Variants in WDR33 observed in about 807,000 individuals in gnomAD.
The protein encoded by WDR33 is pre-mRNA 3' end processing protein WDR33.
WDR33 carries 47 observed loss-of-function variants against 164.9 expected under a neutral mutation model. The ratio of observed to expected loss-of-function variants is 0.29; its 90% CI spans 0.23 to 0.36. The LOEUF (loss-of-function observed/expected upper bound fraction) is 0.36. Among genes scored for constraint, WDR33 ranks in the 10% least tolerant of loss-of-function variants. The pLI is 1.00. For synonymous variants in WDR33, 505 were observed against 589.0 expected, an observed-to-expected ratio of 0.86 and a Z score of 2.06; for missense variants, 1,137 against 1,754.1, an observed-to-expected ratio of 0.65 and a Z score of 6.28.
At chr2:127,750,953 T>C (rs1687341289) in intron 7 of WDR33, among the ~76,000 whole-genome samples, 1 of 151,878 alleles carries the variant, frequency 6.6e-6, no homozygotes, top group South Asian at 2.1e-4. Flanking sequence ...GTCTAGTGAA[T>C]ACTCTTGATA....
Position 127,768,989 on chromosome 2 carries a change from G to A in WDR33, c.217C>T (p.Gln73Ter). ...VIKYLENRIW[Q>*]RDQRDMRAIQ... is the part of the protein sequence containing the mutation. ...GCCCGCATATCTCTCTGGTCTCTTT[G>A]CCATATTCTGTTCTGTTAAATAAAT... Residue 73 changes from glutamine to a stop codon, truncating the protein, a stop_gained, in exon 3 of 22, where the codon CAA becomes TAA. Transcript: ENST00000322313. LOFTEE classifies it high-confidence loss of function. 2 of 1,552,978 alleles carry A rather than the reference G, an allele frequency of 1.3e-6. No homozygotes were observed. Among genetic ancestry groups the A allele is most frequent in the Non-Finnish European group, 8.7e-7 (1 of 1,150,732 alleles).
At chr2:127,781,179 T>C (rs547216710) in intron 1 of WDR33, among the ~76,000 whole-genome samples, 38 of 152,310 alleles carry the variant, frequency 2.5e-4, no homozygotes, top group African/African-American at 8.9e-4. Context: ...AATAGCTTTT[T>C]AAAGTTCGAG....
At chr2:127,789,457 G>T (rs1446564870) in intron 1 of WDR33, among the ~76,000 whole-genome samples, 1 of 136,904 alleles carries the variant, frequency 7.3e-6, no homozygotes, top group Non-Finnish European at 1.6e-5. Flanking sequence ...CCGGCACCTC[G>T]GGAGGCTGAG....
rs1686099939 is a variant in WDR33 at position 127,709,466 on chromosome 2, C to T, written c.3565+24G>A. The T allele has an allele frequency of 6.2e-7, 1 of 1,611,526 alleles. No individual in the cohort carries two copies. The stretch of plus-strand genomic sequence containing the variant: ...TTTGTGAACTGCAGTCTAGAGTTAC[C>T]CAACAAGCGGTTCTTTTCCTTACCA... On this transcript the variant is annotated intron_variant, in intron 20 of 21. Transcript: ENST00000322313. The surrounding 1 kb of genome is among the most constrained non-coding windows in gnomAD (Gnocchi z 5.0).
intron 1 of WDR33, among the ~76,000 whole-genome samples, chr2:127,803,693 AAAT>A (rs1484924461): frequency 6.6e-6 from 1 of 152,220 alleles, no homozygotes; most frequent in African/African-American, 2.4e-5. Flanking sequence ...CCTGGTTTAT[AAAT>A]AATATTTTCT....
intron 1 of WDR33, among the ~76,000 whole-genome samples, chr2:127,775,445 TC>T (rs1412257834): frequency 2.0e-5 from 3 of 152,164 alleles, no homozygotes; most frequent in African/African-American, 4.8e-5. Flanking sequence ...GGCCTTGGCC[TC>T]CCAAGGTGCT....
At chr2:127,754,497 C>T (rs1299245677) in intron 7 of WDR33, among the ~76,000 whole-genome samples, 1 of 152,074 alleles carries the variant, frequency 6.6e-6, no homozygotes, top group Admixed American at 6.5e-5. Context: ...CGGCTCACTG[C>T]AGCCTTGGAT....
chr2:127,782,689 G>C (rs1282194981), intron 1 of WDR33, among the ~76,000 whole-genome samples: 4 of 152,100 alleles, frequency 2.6e-5, no homozygotes, highest in Non-Finnish European at 5.9e-5. Flanking sequence ...ATAGTATTAG[G>C]TATAAGCAAT....
chr2:127,778,061 A>AGGCAGGAGGATCTCTTGAG (rs1417080397), intron 1 of WDR33, among the ~76,000 whole-genome samples: 1 of 152,214 alleles, frequency 6.6e-6, no homozygotes, highest in African/African-American at 2.4e-5. Context: ...TGAGAGGCCA[A>AGGCAGGAGGATCTCTTGAG]GGCAGGAGGA....
At chr2:127,787,401 G>A (rs1573460336) in intron 1 of WDR33, among the ~76,000 whole-genome samples, 1 of 125,122 alleles carries the variant, frequency 8.0e-6, no homozygotes, top group Admixed American at 7.3e-5. Flanking sequence ...TGGTGGCCGG[G>A]CAGAGGGGCT....
chr2:127,764,773 G>A lies in WDR33; in HGVS notation c.626+55C>T. 6.2e-7 allele frequency: 1 copy of A among 1,614,158 alleles called. No homozygotes were observed. The highest frequency in any genetic ancestry group is 8.5e-7 in the Non-Finnish European group (1 of 1,180,012). ...TCTCTGCACCCAGAATACACTTAGA[G>A]AATAATTTAACCATGACAATAGGGA... On this transcript the variant is annotated intron_variant, in intron 6 of 21. Coordinates refer to ENST00000322313, the MANE Select transcript of WDR33 (RefSeq NM_018383.5). This position sits in a 1 kb window ranked among gnomAD's most constrained non-coding sequence, Gnocchi z 6.2.
chr2:127,776,204 T>C (rs191944640), intron 1 of WDR33, among the ~76,000 whole-genome samples: 2 of 152,242 alleles, frequency 1.3e-5, no homozygotes, highest in African/African-American at 2.4e-5. Flanking sequence ...AGAATGACCA[T>C]GTGAGGACAG....
intron 7 of WDR33, among the ~76,000 whole-genome samples, chr2:127,734,796 A>T (rs1686798437): frequency 6.6e-6 from 1 of 152,216 alleles, no homozygotes; most frequent in South Asian, 2.1e-4. Context: ...TTAAGCTTTA[A>T]AAAAACATGA....
Position 127,724,946 on chromosome 2 carries a change from A to G in WDR33, c.1026T>C (p.Val342=). 6.2e-7 allele frequency: 1 copy of G among 1,614,222 alleles called. No homozygotes were observed. Among genetic ancestry groups the G allele is most frequent in the Non-Finnish European group, 8.5e-7 (1 of 1,180,038 alleles). Residue 342 remains valine, a synonymous_variant, in exon 10 of 22, where the codon GTT becomes GTC. Coordinates refer to ENST00000322313, the MANE Select transcript of WDR33 (RefSeq NM_018383.5). The surrounding 1 kb of genome is among the most constrained non-coding windows in gnomAD (Gnocchi z 4.8). ...CTCCACTGGCAAAAAGTCCTTCATGAACAGGATGCCAGGCCACAGCTGCAG... is the reference window on the plus strand; with the variant it reads ...CTCCACTGGCAAAAAGTCCTTCATGGACAGGATGCCAGGCCACAGCTGCAG... ...KEATAVAWHP[V]HEGLFASGGS... is the part of the protein sequence containing the mutation.
intron 7 of WDR33, among the ~76,000 whole-genome samples, chr2:127,750,735 TGTATGCATAC>T (rs1687327830): frequency 1.5e-5 from 1 of 65,262 alleles, no homozygotes; most frequent in African/African-American, 1.1e-4. Flanking sequence ...TACATATATA[TGTATGCATAC>T]ATATATATGT....
chr2:127,736,218 C>T, intron 7 of WDR33: 1 of 985,372 alleles, frequency 1.0e-6, no homozygotes, highest in Non-Finnish European at 1.2e-6. Flanking sequence ...AAATGTGAAA[C>T]ACTAGCTTAC....
At position 127,701,463 on chromosome 2, in the gene WDR33, G is replaced by T. The variant is rs1050562351; in HGVS notation, c.*4860C>A. On this transcript the variant is annotated 3_prime_UTR_variant, in exon 22 of 22. Transcript: ENST00000322313. ...GCCGACCAATTGCCGCCCGAAGACC[G>T]AACCGCTTCAGCGGAGGGCCGGAAG... is the stretch of plus-strand genomic sequence containing the variant. 4 of 1,236,958 alleles carry T rather than the reference G, an allele frequency of 3.2e-6. No individual in the cohort carries two copies. The highest frequency in any genetic ancestry group is 6.7e-5 in the South Asian group (2 of 29,752). The allele number at this position is 1,236,958 out of a possible 1,614,324, so 76.6% of individuals were successfully genotyped here.
chr2:127,734,683 A>G (rs1686795832), intron 7 of WDR33, among the ~76,000 whole-genome samples: 1 of 152,212 alleles, frequency 6.6e-6, no homozygotes, highest in African/African-American at 2.4e-5. Context: ...ACAAAACAAG[A>G]CCTGAATACT....
At chr2:127,737,177 A>G (rs1384179330) in intron 7 of WDR33, 11 of 985,414 alleles carry the variant, frequency 1.1e-5, no homozygotes, top group Non-Finnish European at 1.3e-5. Flanking sequence ...TGCTTAAAGG[A>G]ATGTGGCAAT....
Sources: allele counts gnomAD v4.1 joint callset (sites outside exome capture counted in the v4.1 genomes callset), GRCh38; gene constraint gnomAD v4.1.1; non-coding constraint Gnocchi (gnomAD v3.1); transcripts MANE v1.5; gene names NCBI Gene and HGNC (gene_info 2026-07-23, HGNC 2026-07-21).